Variants in DNAAF4 observed in about 807,000 individuals in gnomAD.
DNAAF4 encodes the protein dynein assembly factor 4, axonemal.
In DNAAF4, 43 loss-of-function variants were observed where a neutral mutation model predicts 51.8. The observed-to-expected ratio is 0.83, with a 90% CI of 0.65 to 1.07. The LOEUF is 1.07. Among genes scored for constraint, DNAAF4 ranks in the 50% least tolerant of loss-of-function variants. DNAAF4 has a pLI of 0.00. For synonymous variants in DNAAF4, 194 were observed against 165.6 expected (o/e 1.17, Z -1.32); for missense variants, 581 against 493.0 (o/e 1.18, Z -1.69).
intron 7 of DNAAF4, 62 bp from the exon 8 acceptor site, chr15:55,435,120 T>C: frequency 6.7e-7 from 1 of 1,502,310 alleles, no homozygotes; most frequent in East Asian, 2.3e-5. Context: ...ACAGAAATAA[T>C]ATCTAATTGT....
At chr15:55,481,920 G>A (rs1173915248) in intron 4 of DNAAF4, among the ~76,000 whole-genome samples, 2 of 152,182 alleles carry the variant, frequency 1.3e-5, no homozygotes, top group Non-Finnish European at 2.9e-5. Context: ...TTAGTAATGG[G>A]CCAAGCCTTC....
chr15:55,444,710 C>A (rs572468486), intron 6 of DNAAF4, among the ~76,000 whole-genome samples: 22 of 152,300 alleles, frequency 1.4e-4, no homozygotes, highest in Non-Finnish European at 2.4e-4. Flanking sequence ...TTTGTGTCCT[C>A]TTTTATTTTG....
intron 4 of DNAAF4, among the ~76,000 whole-genome samples, chr15:55,475,223 C>T (rs2058320680): frequency 1.3e-5 from 2 of 152,140 alleles, no homozygotes; most frequent in Non-Finnish European, 2.9e-5. Context: ...TCTGCAAAGA[C>T]AACATGCAGA....
intron 4 of DNAAF4, among the ~76,000 whole-genome samples, chr15:55,473,434 TA>T (rs967176416): frequency 4.0e-5 from 6 of 148,830 alleles, no homozygotes; most frequent in African/African-American, 1.5e-4. Flanking sequence ...CTTAATCAAA[TA>T]GGGGTAACTT....
Position 55,447,375 on chromosome 15 carries a change from G to A in DNAAF4, c.783+2847C>T, listed in dbSNP as rs538847033. Among the ~76,000 whole-genome samples the A allele has an allele frequency of 4.2e-3, 634 of 152,192 alleles. 7 individuals carry two copies. Among genetic ancestry groups the A allele is most frequent in the African/African-American group, 0.014 (589 of 41,554 alleles). On this transcript the variant is annotated intron_variant, in intron 6 of 9. Transcript: ENST00000321149. ...TGTTCCTCACTTCCTAGATGGGGTG[G>A]CGGCCAGGCAGAGGCTGTAATCTTA...
Position 55,447,641 on chromosome 15 carries a change from G to A in DNAAF4, c.783+2581C>T, listed in dbSNP as rs566227775. ...AAAAATACAAAAACCAGTCAGGCAT[G>A]GCGGTGCGTGCCTGCAATCCCAAGC... On this transcript the variant is annotated intron_variant, in intron 6 of 9. Transcript: ENST00000321149. Among the ~76,000 whole-genome samples, 32 of 150,124 alleles carry A rather than the reference G, an allele frequency of 2.1e-4. 1 individual carries two copies. In the South Asian group the frequency reaches 5.2e-3, roughly 24 times the overall value.
At chr15:55,471,057 A>G (rs2058248314) in intron 4 of DNAAF4, among the ~76,000 whole-genome samples, 2 of 140,026 alleles carry the variant, frequency 1.4e-5, no homozygotes, top group African/African-American at 5.4e-5. Flanking sequence ...GGGTCTCACT[A>G]TCTATGTTGC....
intron 1 of DNAAF4, among the ~76,000 whole-genome samples, chr15:55,499,856 A>G (rs1274688785): frequency 6.6e-6 from 1 of 152,120 alleles, no homozygotes; most frequent in Non-Finnish European, 1.5e-5. Flanking sequence ...TACACAAACC[A>G]TTTTCGTATA....
At chr15:55,450,419 A>T (rs781154629) in intron 5 of DNAAF4, 52 bp from the exon 6 acceptor site, 23 of 1,567,724 alleles carry the variant, frequency 1.5e-5, no homozygotes, top group African/African-American at 4.1e-5. Flanking sequence ...TTTCTAGTTA[A>T]CAATCAACTG....
At chr15:55,437,941 A>G (rs2057642121) in intron 7 of DNAAF4, among the ~76,000 whole-genome samples, 1 of 152,224 alleles carries the variant, frequency 6.6e-6, no homozygotes, top group African/African-American at 2.4e-5. Context: ...TTGTTATAGA[A>G]GTAATAAGTA....
chr15:55,482,891 A>G (rs2058431844), intron 4 of DNAAF4, among the ~76,000 whole-genome samples: 1 of 152,180 alleles, frequency 6.6e-6, no homozygotes, highest in African/African-American at 2.4e-5. Flanking sequence ...TACAATATGT[A>G]TAAGCCCTAT....
At chr15:55,433,863 AT>A (rs1253744342) in intron 8 of DNAAF4, among the ~76,000 whole-genome samples, 934 of 41,598 alleles carry the variant, frequency 0.022, 13 homozygotes, top group Non-Finnish European at 0.033. Context: ...ATTATAATAT[AT>A]ATTATATATA....
intron 5 of DNAAF4, among the ~76,000 whole-genome samples, chr15:55,451,505 A>C (rs2057931844): frequency 6.6e-6 from 1 of 152,240 alleles, no homozygotes; most frequent in African/African-American, 2.4e-5. Context: ...TAAATGTTCC[A>C]GAACACAGAG....
At chr15:55,484,648 T>C (rs541220379) in intron 4 of DNAAF4, among the ~76,000 whole-genome samples, 88 of 152,162 alleles carry the variant, frequency 5.8e-4, no homozygotes, top group African/African-American at 1.8e-3. Context: ...ATAGTATAGA[T>C]AGATATATAT....
At chr15:55,476,026 C>T (rs1037733422) in intron 4 of DNAAF4, among the ~76,000 whole-genome samples, 2 of 151,876 alleles carry the variant, frequency 1.3e-5, no homozygotes, top group African/African-American at 4.8e-5. Flanking sequence ...TTCAAAGTAC[C>T]GACAGAAAAA....
At chr15:55,419,326 A>G (rs892332039) in intron 7 of DNAAF4, among the ~76,000 whole-genome samples, 3 of 152,028 alleles carry the variant, frequency 2.0e-5, no homozygotes, top group Non-Finnish European at 4.4e-5. Flanking sequence ...CTGGGCTCAA[A>G]CTATCCCCCA....
chr15:55,455,510 C>T (rs1337394174), intron 5 of DNAAF4, among the ~76,000 whole-genome samples: 1 of 151,670 alleles, frequency 6.6e-6, no homozygotes, highest in Non-Finnish European at 1.5e-5. Flanking sequence ...TGGCTCACTG[C>T]AGCCTCTTCC....
intron 7 of DNAAF4, among the ~76,000 whole-genome samples, chr15:55,439,204 G>GA (rs758595220): frequency 6.4e-4 from 98 of 152,156 alleles, no homozygotes; most frequent in Non-Finnish European, 1.3e-3. Context: ...GGGCTTGGGG[G>GA]ATCCTCCCGC....
At chr15:55,493,315 C>T (rs1192890305) in intron 3 of DNAAF4, among the ~76,000 whole-genome samples, 1 of 152,186 alleles carries the variant, frequency 6.6e-6, no homozygotes, top group Non-Finnish European at 1.5e-5. Context: ...TGTTGCCTAT[C>T]TTCACAATTG....
Sources: gnomAD v4.1 joint callset for allele counts (sites outside exome capture counted in the v4.1 genomes callset) on GRCh38, gnomAD v4.1.1 for gene constraint, MANE v1.5 for transcripts, NCBI Gene and HGNC (gene_info 2026-07-23, HGNC 2026-07-21) for gene names.